The following DMD variants were observed in gnomAD, a reference collection of about 807,000 sequenced individuals.
DMD encodes mutant dystrophin.
In DMD, 63 loss-of-function variants were observed where a neutral mutation model predicts 330.1. That is an observed-to-expected ratio of 0.19 (90% confidence interval 0.16 to 0.24). The LOEUF (loss-of-function observed/expected upper bound fraction) is 0.24, where lower values mean the gene tolerates loss of function less well. Among genes scored for constraint, DMD ranks in the 10% least tolerant of loss-of-function variants. The probability of loss-of-function intolerance (pLI) is 1.00; values close to 1 mark genes in which losing one functional copy is unlikely to be tolerated. For synonymous variants in DMD, 1,223 were observed against 959.8 expected, an observed-to-expected ratio of 1.27 and a Z score of -5.07; for missense variants, 3,344 against 2,684.1, an observed-to-expected ratio of 1.25 and a Z score of -5.43.
At chrX:31,453,781 A>AAAAAAAAAAAAAAAC (rs2065948246) in intron 59 of DMD, among the ~76,000 whole-genome samples, 1 of 104,593 alleles carries the variant, frequency 9.6e-6, no homozygotes, top group Non-Finnish European at 2.0e-5. Context: ...AAAAAAAAAA[A>AAAAAAAAAAAAAAAC]AAAAAAAAAC....
At chrX:32,724,559 A>C (rs1389505380) in intron 7 of DMD, among the ~76,000 whole-genome samples, 1 of 111,821 alleles carries the variant, frequency 8.9e-6, no homozygotes, top group Non-Finnish European at 1.9e-5. Context: ...ACAATAAATC[A>C]ACCCAATGTG....
In DMD at chrX:31,782,607, T is replaced by A. The variant is rs374176813; in HGVS notation, c.7310-8415A>T. Among the ~76,000 whole-genome samples the A allele has an allele frequency of 4.2e-4, 46 of 109,315 alleles. No individual in the cohort carries two copies. The East Asian group carries it at 0.012, about 28-fold the overall frequency. 94.9% of individuals were successfully genotyped at this position (109,315 alleles called of 115,157 possible). On this transcript the variant is annotated intron_variant, in intron 50 of 78. Coordinates refer to ENST00000357033, the MANE Select transcript of DMD (RefSeq NM_004006.3). ...AGAATCATGAGCTAAAAAAAAAAAA[T>A]GATTCTTATTTTAAGTCTCTACATT... is the stretch of plus-strand genomic sequence containing the variant.
intron 1 of DMD, among the ~76,000 whole-genome samples, chrX:33,106,348 G>T (rs1013374667): frequency 9.0e-6 from 1 of 110,736 alleles, no homozygotes; most frequent in Non-Finnish European, 1.9e-5. Flanking sequence ...CTCGGGTGAC[G>T]GCTCAATAAA....
intron 1 of DMD, among the ~76,000 whole-genome samples, chrX:33,190,496 TTTG>T: frequency 7.7e-5 from 1 of 13,037 alleles, no homozygotes; most frequent in African/African-American, 1.1e-4. Flanking sequence ...TTTTTTTTTT[TTTG>T]AGACGGAGTC....
intron 44 of DMD, among the ~76,000 whole-genome samples, chrX:32,016,697 C>T (rs1288020123): frequency 8.9e-6 from 1 of 112,419 alleles, no homozygotes; most frequent in Non-Finnish European, 1.9e-5. Flanking sequence ...CATCAGTGAT[C>T]ATTTCACAAG....
intron 57 of DMD, among the ~76,000 whole-genome samples, chrX:31,479,923 G>A (rs1444332204): frequency 8.9e-6 from 1 of 111,897 alleles, no homozygotes; most frequent in Admixed American, 9.5e-5. Flanking sequence ...GGATCGTGAG[G>A]TATACCGTGA....
intron 1 of DMD, among the ~76,000 whole-genome samples, chrX:33,038,444 C>T (rs1030202490): frequency 8.9e-6 from 1 of 111,747 alleles, no homozygotes; most frequent in Non-Finnish European, 1.9e-5. Flanking sequence ...TTATTTTCTC[C>T]TAATTAACAA....
intron 44 of DMD, among the ~76,000 whole-genome samples, chrX:32,209,290 T>C (rs1372378309): frequency 9.0e-6 from 1 of 111,104 alleles, no homozygotes; most frequent in African/African-American, 3.3e-5. Context: ...ACAAAAGGCA[T>C]ATCTGTGAAT....
intron 44 of DMD, among the ~76,000 whole-genome samples, chrX:32,197,269 A>G (rs1758663010): frequency 1.8e-5 from 2 of 111,130 alleles, no homozygotes; most frequent in Non-Finnish European, 3.8e-5. Context: ...CACATCATGG[A>G]GAACGGGGTA....
chrX:31,487,983 G>T (rs1405068312), intron 57 of DMD, among the ~76,000 whole-genome samples: 1 of 111,767 alleles, frequency 8.9e-6, no homozygotes, highest in African/African-American at 3.3e-5. Flanking sequence ...TCTGTGTTGA[G>T]ATTTATTTTT....
chrX:33,313,586 C>A (rs774653953), intron 1 of DMD, among the ~76,000 whole-genome samples: 1 of 110,713 alleles, frequency 9.0e-6, no homozygotes, highest in African/African-American at 3.3e-5. Context: ...CAAGAGCATT[C>A]TTGTTACCAA....
intron 21 of DMD, among the ~76,000 whole-genome samples, chrX:32,483,511 A>T (rs1282601375): frequency 9.2e-6 from 1 of 109,172 alleles, no homozygotes; most frequent in Non-Finnish European, 1.9e-5. Flanking sequence ...CTTTAATATG[A>T]TTAAGAGGTA....
chrX:32,382,077 T>A (rs1319048581), intron 33 of DMD, among the ~76,000 whole-genome samples: 1 of 111,377 alleles, frequency 9.0e-6, no homozygotes, highest in African/African-American at 3.3e-5. Context: ...AATCCCTTCC[T>A]TTATTCTCAT....
intron 1 of DMD, among the ~76,000 whole-genome samples, chrX:33,239,165 G>A (rs1430653253): frequency 1.9e-5 from 2 of 104,937 alleles, no homozygotes; most frequent in African/African-American, 3.6e-5. Context: ...GCTGAGGCAG[G>A]AGAATCACTT....
intron 16 of DMD, among the ~76,000 whole-genome samples, chrX:32,560,636 G>A (rs766804577): frequency 4.3e-4 from 48 of 111,006 alleles, no homozygotes; most frequent in Non-Finnish European, 6.8e-4. Flanking sequence ...TCTCTTCCCT[G>A]TGCCCATGTG....
chrX:33,093,470 T>C (rs893668164), intron 1 of DMD, among the ~76,000 whole-genome samples: 1 of 112,282 alleles, frequency 8.9e-6, no homozygotes, highest in Admixed American at 9.5e-5. Flanking sequence ...GTACTGTTTT[T>C]AATTAAAATT....
chrX:32,536,277 A>AC (rs1569152407), intron 17 of DMD, among the ~76,000 whole-genome samples: 1 of 107,457 alleles, frequency 9.3e-6, no homozygotes, highest in South Asian at 4.1e-4. Flanking sequence ...AAAAAAAAAA[A>AC]AAAAAAAAAA....
At chrX:31,437,994 A>C (rs890905235) in intron 60 of DMD, among the ~76,000 whole-genome samples, 55 of 110,455 alleles carry the variant, frequency 5.0e-4, no homozygotes, top group Non-Finnish European at 9.3e-4. Flanking sequence ...ATCATATTGG[A>C]CAGCACAGTT....
At chrX:31,777,823 A>AT (rs1399193773) in intron 50 of DMD, among the ~76,000 whole-genome samples, 1 of 111,637 alleles carries the variant, frequency 9.0e-6, no homozygotes, top group Non-Finnish European at 1.9e-5. Flanking sequence ...CACTATGTGG[A>AT]TTTTTTTCTT....
Sources: gnomAD v4.1 joint callset for allele counts (sites outside exome capture counted in the v4.1 genomes callset) on GRCh38, gnomAD v4.1.1 for gene constraint, MANE v1.5 for transcripts, NCBI Gene and HGNC (gene_info 2026-07-23, HGNC 2026-07-21) for gene names.